CEP162: variants seen among roughly 807,000 people sequenced by gnomAD.
CEP162 encodes centrosomal protein of 162 kDa.
Under a neutral mutation model 169.2 loss-of-function variants are expected in CEP162, and 141 were observed. That is an observed-to-expected ratio of 0.83 (90% CI 0.73 to 0.96). The LOEUF is 0.96. Among genes scored for constraint, CEP162 ranks in the 40% least tolerant of loss-of-function variants. The pLI is 0.00. For missense variants in CEP162, 1,600 were observed against 1,587.2 expected (o/e 1.01, Z -0.14); for synonymous variants, 540 against 526.4 (o/e 1.03, Z -0.35).
At chr6:84,194,751 TG>T (rs1401430137) in intron 10 of CEP162, 132 bp downstream of exon 10, 2 of 751,086 alleles carry the variant, frequency 2.7e-6, no homozygotes, top group Admixed American at 6.2e-5. Flanking sequence ...CTCGCCTGGC[TG>T]AAAAAATTTC....
chr6:84,158,046 C>T (rs2099523946), intron 21 of CEP162, among the ~76,000 whole-genome samples: 1 of 152,030 alleles, frequency 6.6e-6, no homozygotes, highest in African/African-American at 2.4e-5. Flanking sequence ...AGAAACACAC[C>T]AGGGTCCACA....
intron 6 of CEP162, among the ~76,000 whole-genome samples, chr6:84,208,580 A>T (rs574531915): frequency 6.6e-6 from 1 of 152,344 alleles, no homozygotes; most frequent in South Asian, 2.1e-4. Flanking sequence ...TTTGGGAGTG[A>T]AACAGGGATG....
At position 84,186,477 on chromosome 6, in the gene CEP162, G is replaced by C; in HGVS notation, c.1256C>G (p.Thr419Arg). The C allele has an allele frequency of 6.2e-7, 1 of 1,613,146 alleles. No individual in the cohort carries two copies. Among genetic ancestry groups the C allele is most frequent in the East Asian group, 2.2e-5 (1 of 44,786 alleles). Residue 419 changes from threonine (T) to arginine (R), a missense_variant, in exon 12 of 27, where the codon ACA becomes AGA. Physicochemically the swap from Thr to Arg is moderately conservative, Grantham distance 71. Coordinates refer to ENST00000403245, the MANE Select transcript of CEP162 (RefSeq NM_014895.4). ...NDENVILQKTTNESMENSCPQ... is the reference protein window; with the variant it reads ...NDENVILQKTRNESMENSCPQ... ...ACAGCTGTTTTCCATACTCTCATTT[G>C]TGGTCTTTTGTAAAATCACATTCTC...
chr6:84,216,330 C>A (rs1346358941), intron 3 of CEP162, among the ~76,000 whole-genome samples: 3 of 152,004 alleles, frequency 2.0e-5, no homozygotes, highest in African/African-American at 7.2e-5. Flanking sequence ...ATTACTATAA[C>A]AAAATACAAG....
intron 5 of CEP162, among the ~76,000 whole-genome samples, chr6:84,214,583 T>C (rs761197181): frequency 7.2e-5 from 11 of 152,182 alleles, no homozygotes; most frequent in Non-Finnish European, 1.6e-4. Context: ...CCACTGTCTA[T>C]AAAAAACTAA....
chr6:84,125,880 T>C (rs1562906407), intron 26 of CEP162, among the ~76,000 whole-genome samples: 1 of 152,174 alleles, frequency 6.6e-6, no homozygotes, highest in Non-Finnish European at 1.5e-5. Context: ...TAATACACTG[T>C]TCAAACCAAG....
chr6:84,200,345 T>G (rs2099543975), intron 9 of CEP162, among the ~76,000 whole-genome samples: 1 of 152,204 alleles, frequency 6.6e-6, no homozygotes, highest in African/African-American at 2.4e-5. Flanking sequence ...CTCAAAGACC[T>G]TTATAAGCTT....
Position 84,161,807 on chromosome 6 carries a change from A to C in CEP162, c.2615T>G (p.Leu872Arg). 1 of 1,602,890 alleles carries C rather than the reference A, an allele frequency of 6.2e-7. No homozygotes were observed. The highest frequency in any genetic ancestry group is 1.1e-5 in the South Asian group (1 of 89,282). ...TCTAAGCCGAAGTGCATCTTTATCC[A>C]GAAGTTCCTGATTTTCAGCATACCA... ...LQWYAENQEL[L>R]DKDALRLREA... The change falls in exon 20 of 27, where the codon CTG (leucine) becomes CGG (arginine). Residue 872 changes from leucine to arginine, a missense_variant. By Grantham distance (102) the Leu-to-Arg change is moderately radical. Transcript: ENST00000403245.
In CEP162 at chr6:84,152,679, A is replaced by C. The variant is rs769554715; in HGVS notation, c.3495T>G (p.Thr1165=). Reference sequence around the variant, plus strand: ...GTAAAACTTCTGAAACATGGGAATCAGTGAAAGTATGTGGTTGGTACAGCT... The same window carrying C: ...GTAAAACTTCTGAAACATGGGAATCCGTGAAAGTATGTGGTTGGTACAGCT... ...DSKLYQPHTF[T]DSHVSEVLQE... is the part of the protein sequence containing the mutation. The change falls in exon 23 of 27, where the codon ACT becomes ACG. Residue 1165 remains threonine (T), a synonymous_variant. Coordinates refer to ENST00000403245, the MANE Select transcript of CEP162 (RefSeq NM_014895.4). 1 of 1,612,432 alleles carries C rather than the reference A, an allele frequency of 6.2e-7. No homozygotes were observed. Among genetic ancestry groups the C allele is most frequent in the Non-Finnish European group, 8.5e-7 (1 of 1,179,242 alleles).
intron 6 of CEP162, among the ~76,000 whole-genome samples, chr6:84,211,037 A>G (rs2099549207): frequency 6.6e-6 from 1 of 152,200 alleles, no homozygotes; most frequent in Admixed American, 6.5e-5. Flanking sequence ...AAAAATTACT[A>G]GACTTCTAAG....
intron 25 of CEP162, among the ~76,000 whole-genome samples, chr6:84,135,178 G>T (rs995857206): frequency 6.6e-6 from 1 of 152,118 alleles, no homozygotes; most frequent in African/African-American, 2.4e-5. Context: ...TAATTATTAT[G>T]TATTAATAGT....
In CEP162 at chr6:84,153,113, A is replaced by G; in HGVS notation, c.3061T>C (p.Ser1021Pro). The G allele has an allele frequency of 6.2e-7, 1 of 1,611,374 alleles. No individual in the cohort carries two copies. The change falls in exon 23 of 27, where the codon TCT becomes CCT. Residue 1021 changes from serine to proline, a missense_variant. Transcript: ENST00000403245. ...TTCTCTAGGGCTTTAATTCTGGGAG[A>G]GTCATGTTGATTCAATTTGCAGGCA... ...LLACKLNQHD[S>P]PRIKALEKEL...
intron 25 of CEP162, 125 bp downstream of exon 25, chr6:84,146,562 T>A (rs936935714): frequency 2.0e-6 from 1 of 487,974 alleles, no homozygotes; most frequent in African/African-American, 2.0e-5. Context: ...CTGCTAATAT[T>A]TTCTTGACGT....
chr6:84,212,857 A>G (rs1182825086), intron 6 of CEP162, 100 bp downstream of exon 6: 6 of 758,534 alleles, frequency 7.9e-6, no homozygotes, highest in Admixed American at 4.9e-5. Context: ...AAGCTCTGAG[A>G]CAATATGATT....
At chr6:84,175,925 TA>T (rs888767663) in intron 13 of CEP162, among the ~76,000 whole-genome samples, 57 of 152,126 alleles carry the variant, frequency 3.7e-4, no homozygotes, top group African/African-American at 1.3e-3. Context: ...TATTAAATTA[TA>T]AAAAAAGTGA....
rs758515035 is a variant in CEP162, at chr6:84,212,993, C to A, written c.535G>T (p.Glu179Ter). 6.4e-7 allele frequency: 1 copy of A among 1,554,606 alleles called. No homozygotes were observed. Among genetic ancestry groups the A allele is most frequent in the African/African-American group, 1.4e-5 (1 of 73,484 alleles). ...TCATGTTTCGATTCATTCTCATGTTCGTCATCAGTTAGTTCTGCGTTGGCT... is the reference window on the plus strand; with the variant it reads ...TCATGTTTCGATTCATTCTCATGTTAGTCATCAGTTAGTTCTGCGTTGGCT... ...NQANAELTDDEHENESKHEEL... is the reference protein window; with the variant it reads ...NQANAELTDD Residue 179 changes from glutamate (E) to a stop codon, truncating the protein, a stop_gained, in exon 6 of 27, where the codon GAA becomes TAA. Transcript: ENST00000403245. LOFTEE classifies it high-confidence loss of function.
At chr6:84,195,435 C>T (rs1425776342) in intron 9 of CEP162, among the ~76,000 whole-genome samples, 1 of 152,200 alleles carries the variant, frequency 6.6e-6, no homozygotes, top group Non-Finnish European at 1.5e-5. Flanking sequence ...CTTCTCTGTA[C>T]CACCAAGCAT....
intron 3 of CEP162, 154 bp from the exon 4 acceptor site, chr6:84,216,076 A>C: frequency 9.2e-6 from 8 of 871,428 alleles, no homozygotes; most frequent in Non-Finnish European, 1.3e-5. Context: ...CCTAACACTC[A>C]CAAAAGAAAG....
intron 26 of CEP162, among the ~76,000 whole-genome samples, chr6:84,126,111 G>T (rs902074862): frequency 1.3e-5 from 2 of 152,080 alleles, no homozygotes; most frequent in Non-Finnish European, 2.9e-5. Context: ...GGTAAGATGT[G>T]TAAGTTTTTA....
Sources: gnomAD v4.1 joint callset for allele counts (sites outside exome capture counted in the v4.1 genomes callset) on GRCh38, gnomAD v4.1.1 for gene constraint, MANE v1.5 for transcripts, NCBI Gene and HGNC (gene_info 2026-07-23, HGNC 2026-07-21) for gene names.